PRKAG2: variants seen among roughly 807,000 people sequenced by gnomAD.
PRKAG2 encodes protein kinase AMP-activated non-catalytic subunit gamma 2, also known as 5'-AMP-activated protein kinase subunit gamma-2.
A neutral mutation model predicts 69.6 loss-of-function variants in PRKAG2; 26 were observed. That is an observed-to-expected ratio of 0.37 (90% CI 0.27 to 0.52). The LOEUF (loss-of-function observed/expected upper bound fraction) is 0.52. Ranked by LOEUF, PRKAG2 falls within the 20% of genes least tolerant of loss-of-function variation. The pLI is 0.90. For missense variants in PRKAG2, 557 were observed against 740.0 expected, an observed-to-expected ratio of 0.75 and a Z score of 2.87; for synonymous variants, 293 against 285.0, an observed-to-expected ratio of 1.03 and a Z score of -0.28.
chr7:151,767,059 C>T (rs2075772451), intron 3 of PRKAG2, among the ~76,000 whole-genome samples: 2 of 152,100 alleles, frequency 1.3e-5, no homozygotes, highest in Non-Finnish European at 1.5e-5. Flanking sequence ...GGATAGTCTC[C>T]TTAGAAAAAG....
chr7:151,635,721 G>T (rs1040348862), intron 4 of PRKAG2, among the ~76,000 whole-genome samples: 24 of 152,206 alleles, frequency 1.6e-4, no homozygotes, highest in Admixed American at 7.2e-4. Context: ...GGCTATAAGA[G>T]GATAATGTAA....
At chr7:151,739,536 C>G (rs571170954) in intron 3 of PRKAG2, among the ~76,000 whole-genome samples, 8 of 152,096 alleles carry the variant, frequency 5.3e-5, no homozygotes, top group African/African-American at 1.9e-4. Context: ...ATGGCACAAT[C>G]TCAGCTCACT....
chr7:151,614,789 A>G lies in PRKAG2; in HGVS notation c.754+17280T>C, dbSNP rs118146586. The stretch of plus-strand genomic sequence containing the variant: ...CAGCAACCACCTGGCACTAATCACA[A>G]TGGCTTTTCTGCAAACTCCTTGCCG... On this transcript the variant is annotated intron_variant, in intron 5 of 15. Transcript: ENST00000287878. This position sits in a 1 kb window ranked among gnomAD's most constrained non-coding sequence, Gnocchi z 4.4. Among the ~76,000 whole-genome samples the G allele has an allele frequency of 6.6e-6, 1 of 152,332 alleles. No homozygotes were observed. The highest frequency in any genetic ancestry group is 1.9e-4 in the East Asian group (1 of 5,180).
intron 4 of PRKAG2, among the ~76,000 whole-genome samples, chr7:151,639,836 A>T (rs1826365199): frequency 6.6e-6 from 1 of 152,180 alleles, no homozygotes; most frequent in South Asian, 2.1e-4. Context: ...CTCAGCCTCC[A>T]TAATCCCATG....
chr7:151,874,045 T>C (rs2080288039), intron 1 of PRKAG2, among the ~76,000 whole-genome samples: 1 of 142,406 alleles, frequency 7.0e-6, no homozygotes. Flanking sequence ...ATATGATGTA[T>C]ATGTATGTAT....
intron 4 of PRKAG2, among the ~76,000 whole-genome samples, chr7:151,635,752 A>C (rs73480014): frequency 0.14 from 21,933 of 152,218 alleles, 1,944 homozygotes; most frequent in African/African-American, 0.23. Flanking sequence ...TGGTGACCGA[A>C]CTGTTCTACA....
intron 6 of PRKAG2, among the ~76,000 whole-genome samples, chr7:151,591,632 C>T (rs1000169687): frequency 3.3e-5 from 5 of 152,132 alleles, no homozygotes; most frequent in Admixed American, 6.5e-5. Flanking sequence ...CACATGTGTA[C>T]GTGCTACTCT....
At chr7:151,715,347 A>AAAATT (rs1461649654) in intron 3 of PRKAG2, among the ~76,000 whole-genome samples, 4 of 136,746 alleles carry the variant, frequency 2.9e-5, no homozygotes, top group Non-Finnish European at 6.2e-5. Flanking sequence ...AAAAAAAAAA[A>AAAATT]ATTATTATTA....
chr7:151,782,327 A>AG, intron 2 of PRKAG2, among the ~76,000 whole-genome samples: 1 of 47,810 alleles, frequency 2.1e-5, no homozygotes, highest in South Asian at 1.6e-3. Flanking sequence ...GAAGGAAGGA[A>AG]GGAAGGAAGG....
chr7:151,871,501 A>G (rs1489526399), intron 1 of PRKAG2, among the ~76,000 whole-genome samples: 1 of 152,174 alleles, frequency 6.6e-6, no homozygotes, highest in Admixed American at 6.5e-5. Flanking sequence ...AAGACCCTGG[A>G]GCTGTGCCCA....
intron 3 of PRKAG2, among the ~76,000 whole-genome samples, chr7:151,686,416 C>T (rs1037955813): frequency 1.3e-5 from 2 of 152,214 alleles, no homozygotes; most frequent in African/African-American, 4.8e-5. Flanking sequence ...AAATTCCCTT[C>T]CTTCTGAGTT....
intron 1 of PRKAG2, among the ~76,000 whole-genome samples, chr7:151,815,930 T>TGAC (rs2078626058): frequency 1.3e-5 from 2 of 152,342 alleles, no homozygotes; most frequent in South Asian, 2.1e-4. Flanking sequence ...AGGAGGCTTC[T>TGAC]TCCACGAGCC....
At chr7:151,746,553 C>A (rs776360329) in intron 3 of PRKAG2, among the ~76,000 whole-genome samples, 6 of 152,226 alleles carry the variant, frequency 3.9e-5, no homozygotes, top group South Asian at 2.1e-4. Flanking sequence ...AGCTGCAGAG[C>A]ATTTCACAAA....
At chr7:151,557,489 C>A in intron 15 of PRKAG2, 2 of 984,824 alleles carry the variant, frequency 2.0e-6, no homozygotes, top group Non-Finnish European at 2.4e-6. Flanking sequence ...GAATTCCACT[C>A]TTAAAAAATT....
intron 2 of PRKAG2, among the ~76,000 whole-genome samples, chr7:151,782,302 AAGG>A (rs2076720387): frequency 9.8e-5 from 2 of 20,316 alleles, no homozygotes; most frequent in East Asian, 2.4e-3. Context: ...GAAAGAAAGG[AAGG>A]AAGGAAGGAA....
At chr7:151,812,223 A>G (rs1026444595) in intron 1 of PRKAG2, among the ~76,000 whole-genome samples, 1 of 152,224 alleles carries the variant, frequency 6.6e-6, no homozygotes, top group Non-Finnish European at 1.5e-5. Context: ...ACAATTTAAT[A>G]CAAAGTAATG....
At chr7:151,631,882 C>A in intron 5 of PRKAG2, 187 bp downstream of exon 5, 1 of 505,094 alleles carries the variant, frequency 2.0e-6, no homozygotes, top group Non-Finnish European at 3.2e-6. Flanking sequence ...ACGCCCGGTA[C>A]CCCGCAGCCC....
At position 151,719,730 on chromosome 7, in the gene PRKAG2, T is replaced by C. The variant is rs953557278; in HGVS notation, c.467-44093A>G. Among the ~76,000 whole-genome samples, 5 of 152,066 alleles carry C rather than the reference T, an allele frequency of 3.3e-5. No individual in the cohort carries two copies. The highest frequency in any genetic ancestry group is 1.2e-4 in the African/African-American group (5 of 41,398). On this transcript the variant is annotated intron_variant, in intron 3 of 15. Transcript: ENST00000287878. The surrounding 1 kb of genome is among the most constrained non-coding windows in gnomAD (Gnocchi z 5.2). ...TGGGCACTGTCACTCCCACCTGGCTTCCCAGAGCCTATGTGGGCCTGGCAC... is the reference window on the plus strand; with the variant it reads ...TGGGCACTGTCACTCCCACCTGGCTCCCCAGAGCCTATGTGGGCCTGGCAC...
chr7:151,634,907 C>T (rs1246732727), intron 4 of PRKAG2, among the ~76,000 whole-genome samples: 1 of 150,648 alleles, frequency 6.6e-6, no homozygotes, highest in Non-Finnish European at 1.5e-5. Flanking sequence ...ATTACTTCTA[C>T]ACTGCTGGTG....
Sources: allele counts gnomAD v4.1 joint callset (sites outside exome capture counted in the v4.1 genomes callset), GRCh38; gene constraint gnomAD v4.1.1; non-coding constraint Gnocchi (gnomAD v3.1); transcripts MANE v1.5; gene names NCBI Gene and HGNC (gene_info 2026-07-23, HGNC 2026-07-21).